Variants in TNRC6A observed in about 807,000 individuals in gnomAD.
TNRC6A encodes trinucleotide repeat-containing gene 6A protein.
In TNRC6A, 44 loss-of-function variants were observed where a neutral mutation model predicts 221.2. That is an observed-to-expected ratio of 0.20 (90% confidence interval 0.16 to 0.26). The LOEUF (loss-of-function observed/expected upper bound fraction) is 0.26. TNRC6A is among the 10% of genes least tolerant of loss of function. The pLI is 1.00. For synonymous variants in TNRC6A, 847 were observed against 838.5 expected (o/e 1.01, Z -0.18); for missense variants, 2,199 against 2,404.4 (o/e 0.91, Z 1.79).
At chr16:24,778,419 GC>G in intron 5 of TNRC6A, 1 of 985,470 alleles carries the variant, frequency 1.0e-6, no homozygotes, top group Non-Finnish European at 1.2e-6. Flanking sequence ...ACCATGCTGT[GC>G]TTTGGCAACA....
At chr16:24,716,660 C>G (rs1456600704) in intron 2 of TNRC6A, among the ~76,000 whole-genome samples, 1 of 151,844 alleles carries the variant, frequency 6.6e-6, no homozygotes, top group Non-Finnish European at 1.5e-5. Context: ...GTGAGACCGT[C>G]TCTCAAAAGA....
At chr16:24,782,781 C>T (rs1265329913) in intron 5 of TNRC6A, among the ~76,000 whole-genome samples, 1 of 152,018 alleles carries the variant, frequency 6.6e-6, no homozygotes, top group Admixed American at 6.5e-5. Flanking sequence ...ACTCGGGAGG[C>T]TGAGGCAGGG....
At chr16:24,689,989 TAAAAAAAAAAAAAAAAAAA>T (rs60944175) in intron 2 of TNRC6A, among the ~76,000 whole-genome samples, 1,135 of 97,520 alleles carry the variant, frequency 0.012, 26 homozygotes, top group East Asian at 0.037. Context: ...AGGCTTAAAG[TAAAAAAAAAAAAAAAAAAA>T]AAAAAAAAAA....
At chr16:24,701,476 C>T (rs1399635381) in intron 2 of TNRC6A, among the ~76,000 whole-genome samples, 1 of 152,024 alleles carries the variant, frequency 6.6e-6, no homozygotes, top group African/African-American at 2.4e-5. Context: ...AAGCAATTCT[C>T]CTGCCTCAGC....
upstream of TNRC6A, among the ~76,000 whole-genome samples, chr16:24,725,033 AG>A (rs1446123638): frequency 6.6e-6 from 1 of 152,302 alleles, no homozygotes; most frequent in East Asian, 1.9e-4. Flanking sequence ...CAAAAGCCAC[AG>A]GAACAAAGAC....
intron 2 of TNRC6A, 71 bp from the exon 3 acceptor site, chr16:24,750,655 G>A: frequency 7.2e-7 from 1 of 1,394,642 alleles, no homozygotes. Flanking sequence ...AAGTGAAAAT[G>A]AATCTGTATG....
chr16:24,686,922 G>A (rs573359329), intron 2 of TNRC6A, among the ~76,000 whole-genome samples: 1 of 152,284 alleles, frequency 6.6e-6, no homozygotes, highest in South Asian at 2.1e-4. Context: ...TTCGGAGTCT[G>A]CATTTGGAGT....
At chr16:24,717,994 T>A (rs2056345881) in intron 2 of TNRC6A, among the ~76,000 whole-genome samples, 1 of 151,994 alleles carries the variant, frequency 6.6e-6, no homozygotes, top group Non-Finnish European at 1.5e-5. Context: ...GCCAGGCTGG[T>A]CTCGAACTCC....
chr16:24,734,243 G>T (rs1271225855), intron 2 of TNRC6A, among the ~76,000 whole-genome samples: 2 of 152,180 alleles, frequency 1.3e-5, no homozygotes, highest in Admixed American at 6.5e-5. Flanking sequence ...AAGAATCTGG[G>T]ATTTGACAGC....
At chr16:24,812,355 A>C (rs975783061) in intron 18 of TNRC6A, among the ~76,000 whole-genome samples, 2 of 152,034 alleles carry the variant, frequency 1.3e-5, no homozygotes, top group African/African-American at 4.8e-5. Flanking sequence ...CCCAGCCCGG[A>C]ATTTTTCTGA....
intron 5 of TNRC6A, among the ~76,000 whole-genome samples, chr16:24,777,661 A>G (rs1043716569): frequency 6.6e-6 from 1 of 152,168 alleles, no homozygotes; most frequent in Non-Finnish European, 1.5e-5. Flanking sequence ...CCCCCAGGCC[A>G]TGTGCTGAGC....
In TNRC6A at chr16:24,824,068, CTATTCAT is replaced by C. The variant is rs2058823918; in HGVS notation, c.*262_*268del. On this transcript the variant is annotated 3_prime_UTR_variant, in exon 25 of 25. Transcript: ENST00000395799. Reference sequence around the variant, plus strand: ...CCGTAGAGAATGAGCTCGCTTGTGTCTATTCATCATGTTTAGCCTTTGGATTCTTTTT... The same window carrying C: ...CCGTAGAGAATGAGCTCGCTTGTGTCCATGTTTAGCCTTTGGATTCTTTTT... The C allele has an allele frequency of 4.4e-6, 1 of 226,248 alleles. No individual in the cohort carries two copies. Among genetic ancestry groups the C allele is most frequent in the Non-Finnish European group, 8.5e-6 (1 of 117,480 alleles). The allele number at this position is 226,248 out of a possible 1,614,324, so 14.0% of individuals were successfully genotyped here.
chr16:24,727,199 T>C (rs555783821), upstream of TNRC6A, among the ~76,000 whole-genome samples: 204 of 152,162 alleles, frequency 1.3e-3, no homozygotes, highest in Non-Finnish European at 2.2e-3. Flanking sequence ...CTGGCTAATT[T>C]TTTATTTTTA....
chr16:24,729,521 C>A (rs1792149535), upstream of TNRC6A, among the ~76,000 whole-genome samples: 1 of 151,870 alleles, frequency 6.6e-6, no homozygotes, highest in Admixed American at 6.6e-5. Flanking sequence ...GGAGGTCCGG[C>A]TGGGTGCAGC....
At chr16:24,812,226 A>T (rs2058561292) in intron 18 of TNRC6A, among the ~76,000 whole-genome samples, 1 of 151,244 alleles carries the variant, frequency 6.6e-6, no homozygotes, top group Non-Finnish European at 1.5e-5. Context: ...TAATTTTTGT[A>T]ATTTTAGTAG....
chr16:24,710,207 A>C (rs1446899469), intron 2 of TNRC6A, among the ~76,000 whole-genome samples: 5 of 149,210 alleles, frequency 3.4e-5, no homozygotes, highest in Non-Finnish European at 7.4e-5. Context: ...CCTGGGCAAC[A>C]AGAGCGGAAC....
At chr16:24,659,722 C>T (rs2054989719) in intron 2 of TNRC6A, among the ~76,000 whole-genome samples, 1 of 152,196 alleles carries the variant, frequency 6.6e-6, no homozygotes, top group African/African-American at 2.4e-5. Flanking sequence ...GGATTACAGG[C>T]ATGAGCTATC....
intron 2 of TNRC6A, among the ~76,000 whole-genome samples, chr16:24,745,221 C>G (rs976144944): frequency 2.0e-5 from 3 of 152,172 alleles, no homozygotes; most frequent in East Asian, 3.8e-4. Flanking sequence ...AAAAACCGAT[C>G]CAAATCTCCA....
chr16:24,729,553 C>T (rs1266708923), upstream of TNRC6A: 9 of 379,116 alleles, frequency 2.4e-5, no homozygotes, highest in Non-Finnish European at 4.2e-5. Context: ...GGGCGGTTGC[C>T]AAGGACCTGC....
Sources: gnomAD v4.1 joint callset for allele counts (sites outside exome capture counted in the v4.1 genomes callset) on GRCh38, gnomAD v4.1.1 for gene constraint, MANE v1.5 for transcripts, NCBI Gene and HGNC (gene_info 2026-07-23, HGNC 2026-07-21) for gene names.